AJAP1: variants seen among roughly 807,000 people sequenced by gnomAD.
AJAP1 encodes adherens junctions associated protein 1, also known as adherens junction-associated protein 1.
A neutral mutation model predicts 35.0 loss-of-function variants in AJAP1; 5 were observed. The observed-to-expected ratio is 0.14, with a 90% CI of 0.07 to 0.30. The LOEUF is 0.30. Among genes scored for constraint, AJAP1 ranks in the 10% least tolerant of loss-of-function variants. The probability of loss-of-function intolerance (pLI) is 1.00; values close to 1 mark genes in which losing one functional copy is unlikely to be tolerated. For synonymous variants in AJAP1, 284 were observed against 249.3 expected (o/e 1.14, Z -1.31); for missense variants, 586 against 571.0 (o/e 1.03, Z -0.27).
At chr1:4,727,041 C>T (rs180693758) in intron 2 of AJAP1, among the ~76,000 whole-genome samples, 20 of 152,334 alleles carry the variant, frequency 1.3e-4, no homozygotes, top group Middle Eastern at 6.8e-3. Flanking sequence ...CCCCCCGCAG[C>T]GAGCCACCTG....
intron 2 of AJAP1, among the ~76,000 whole-genome samples, chr1:4,766,916 C>T (rs1020226946): frequency 6.6e-6 from 1 of 152,028 alleles, no homozygotes; most frequent in Non-Finnish European, 1.5e-5. Context: ...TACATCGATC[C>T]CAGGTGTGAA....
rs1426103326 is a variant in AJAP1 at position 4,774,329 on chromosome 1, C to T, written c.1164-98C>T. 5.3e-6 allele frequency: 6 copies of T among 1,129,740 alleles called. No individual in the cohort carries two copies. The East Asian group carries it at 9.4e-5, about 18-fold the overall frequency. 70.0% of individuals were successfully genotyped at this position (1,129,740 alleles called of 1,614,324 possible). On this transcript the variant is annotated intron_variant, in intron 4 of 5. Coordinates refer to ENST00000378191, the MANE Select transcript of AJAP1 (RefSeq NM_018836.4). ...GAGTCCACATTAGTGCTTCCTTTCT[C>T]AAGAAGCCAGTCCCCACCACAGGCC...
At chr1:4,770,562 C>T (rs146025894) in intron 3 of AJAP1, among the ~76,000 whole-genome samples, 79 of 152,288 alleles carry the variant, frequency 5.2e-4, no homozygotes, top group Non-Finnish European at 1.0e-3. Context: ...TGCTCGAAAG[C>T]GCCTTGGGGA....
At chr1:4,718,663 A>G (rs1570152129) in intron 2 of AJAP1, among the ~76,000 whole-genome samples, 1 of 151,956 alleles carries the variant, frequency 6.6e-6, no homozygotes, top group East Asian at 1.9e-4. Flanking sequence ...TTGTATTTTT[A>G]GTAGAGACAG....
intron 2 of AJAP1, among the ~76,000 whole-genome samples, chr1:4,745,151 C>A (rs571789036): frequency 6.6e-6 from 1 of 152,322 alleles, no homozygotes; most frequent in Admixed American, 6.5e-5. Flanking sequence ...TGCAATCATA[C>A]TAAATAACAA....
chr1:4,768,965 C>T (rs1641761014), intron 2 of AJAP1, among the ~76,000 whole-genome samples: 3 of 152,172 alleles, frequency 2.0e-5, no homozygotes, highest in African/African-American at 7.2e-5. Context: ...GCAAATGTTG[C>T]AGAAGGTTTT....
chr1:4,678,186 A>G, intron 1 of AJAP1, among the ~76,000 whole-genome samples: 1 of 152,250 alleles, frequency 6.6e-6, no homozygotes, highest in East Asian at 1.9e-4. Context: ...CTTTGGGTGC[A>G]GTTGAAGAAG....
chr1:4,743,547 C>G (rs1641119542), intron 2 of AJAP1, among the ~76,000 whole-genome samples: 1 of 152,190 alleles, frequency 6.6e-6, no homozygotes, highest in African/African-American at 2.4e-5. Flanking sequence ...TTCATTCATT[C>G]ATCCATCCAT....
At chr1:4,746,490 G>A (rs11586743) in intron 2 of AJAP1, among the ~76,000 whole-genome samples, 45,155 of 151,878 alleles carry the variant, frequency 0.3, 7,103 homozygotes, top group Admixed American at 0.4. Flanking sequence ...AGCAATAACG[G>A]GTGGGACGGG....
At chr1:4,733,217 A>G (rs1640840744) in intron 2 of AJAP1, among the ~76,000 whole-genome samples, 1 of 151,514 alleles carries the variant, frequency 6.6e-6, no homozygotes. Flanking sequence ...TTTTCACGTG[A>G]TTTTTAAAAT....
At chr1:4,736,425 A>G (rs965441195) in intron 2 of AJAP1, among the ~76,000 whole-genome samples, 5 of 151,536 alleles carry the variant, frequency 3.3e-5, no homozygotes, top group Non-Finnish European at 7.4e-5. Flanking sequence ...CTCCCAGCTC[A>G]CTCTGCTCCA....
chr1:4,716,225 A>G (rs4654595), intron 2 of AJAP1, among the ~76,000 whole-genome samples: 1 of 152,078 alleles, frequency 6.6e-6, no homozygotes, highest in South Asian at 2.1e-4. Context: ...AGGATTCACC[A>G]TACATATGAA....
chr1:4,764,749 C>T (rs1399498432), intron 2 of AJAP1, among the ~76,000 whole-genome samples: 1 of 152,158 alleles, frequency 6.6e-6, no homozygotes, highest in Non-Finnish European at 1.5e-5. Context: ...TTGCCTTGGC[C>T]AATTCCAGGA....
At chr1:4,714,943 A>G (rs866435592) in intron 2 of AJAP1, among the ~76,000 whole-genome samples, 10 of 152,318 alleles carry the variant, frequency 6.6e-5, no homozygotes, top group Middle Eastern at 6.8e-3. Context: ...CACACTGGGA[A>G]GTACTTGCTG....
chr1:4,779,327 T>C (rs1205119547), intron 5 of AJAP1, among the ~76,000 whole-genome samples: 1 of 151,238 alleles, frequency 6.6e-6, no homozygotes, highest in African/African-American at 2.4e-5. Flanking sequence ...AGGCTTTTTT[T>C]CTTTTTCTTT....
intron 2 of AJAP1, among the ~76,000 whole-genome samples, chr1:4,738,029 A>G (rs2100310189): frequency 6.6e-6 from 1 of 152,372 alleles, no homozygotes; most frequent in Non-Finnish European, 1.5e-5. Flanking sequence ...TGTGCAAAGC[A>G]CCTGCCTGGG....
intron 2 of AJAP1, among the ~76,000 whole-genome samples, chr1:4,754,860 C>T (rs1259316615): frequency 1.4e-5 from 2 of 141,128 alleles, no homozygotes; most frequent in African/African-American, 2.5e-5. Context: ...GCTCTCCCCT[C>T]ATCTCAACCT....
rs1040712008 is a variant in AJAP1, at chr1:4,693,157, A to G, written c.30-18743A>G. Among the ~76,000 whole-genome samples the G allele has an allele frequency of 1.3e-5, 2 of 151,968 alleles. No individual in the cohort carries two copies. Among genetic ancestry groups the G allele is most frequent in the Non-Finnish European group, 2.9e-5 (2 of 67,978 alleles). The stretch of plus-strand genomic sequence containing the variant: ...CCAGTTTATGGGGAGAAACCGAGGA[A>G]ACCTTGGAGAAGCCCCCATGAAGGC... On this transcript the variant is annotated intron_variant, in intron 1 of 5. Transcript: ENST00000378191. This position sits in a 1 kb window ranked among gnomAD's most constrained non-coding sequence, Gnocchi z 4.4.
intron 1 of AJAP1, among the ~76,000 whole-genome samples, chr1:4,701,337 C>G (rs536201689): frequency 6.6e-6 from 1 of 152,216 alleles, no homozygotes; most frequent in African/African-American, 2.4e-5. Flanking sequence ...GTTGGTTACA[C>G]GGGTTAGTTT....
Sources: allele counts gnomAD v4.1 joint callset (sites outside exome capture counted in the v4.1 genomes callset), GRCh38; gene constraint gnomAD v4.1.1; non-coding constraint Gnocchi (gnomAD v3.1); transcripts MANE v1.5; gene names NCBI Gene and HGNC (gene_info 2026-07-23, HGNC 2026-07-21).